ADAMTSL3: variants seen among roughly 807,000 people sequenced by gnomAD.
The protein encoded by ADAMTSL3 is ADAMTS-like protein 3.
ADAMTSL3 carries 128 observed loss-of-function variants against 201.7 expected under a neutral mutation model. That is an observed-to-expected ratio of 0.63 (90% CI 0.55 to 0.73). ADAMTSL3 has a LOEUF of 0.73. Among genes scored for constraint, ADAMTSL3 ranks in the 30% least tolerant of loss-of-function variants. The pLI is 0.00. For missense variants in ADAMTSL3, 1,990 were observed against 2,119.6 expected, an observed-to-expected ratio of 0.94 and a Z score of 1.20; for synonymous variants, 738 against 748.4, an observed-to-expected ratio of 0.99 and a Z score of 0.23.
intron 6 of ADAMTSL3, among the ~76,000 whole-genome samples, chr15:83,831,499 G>T (rs1357369676): frequency 1.3e-5 from 2 of 152,148 alleles, no homozygotes; most frequent in East Asian, 3.9e-4. Context: ...GCAGTTTTTA[G>T]GGTACCTGAA....
At chr15:83,922,158 G>A (rs8030379) in intron 16 of ADAMTSL3, among the ~76,000 whole-genome samples, 95,345 of 151,962 alleles carry the variant, frequency 0.63, 31,002 homozygotes, top group African/African-American at 0.79. Context: ...TGCTTAATCA[G>A]ATCTTTTAAG....
intron 3 of ADAMTSL3, among the ~76,000 whole-genome samples, chr15:83,731,827 A>T (rs7177995): frequency 0.42 from 64,382 of 151,804 alleles, 15,388 homozygotes; most frequent in African/African-American, 0.64. Flanking sequence ...AAGTGGAATA[A>T]GCCAGACACA....
chr15:83,752,738 T>C (rs1596141946), intron 3 of ADAMTSL3, among the ~76,000 whole-genome samples: 1 of 152,186 alleles, frequency 6.6e-6, no homozygotes, highest in Non-Finnish European at 1.5e-5. Flanking sequence ...CAGATAACAA[T>C]ATAACTTAGA....
intron 21 of ADAMTSL3, among the ~76,000 whole-genome samples, chr15:83,988,063 G>A (rs370554482): frequency 5.3e-5 from 8 of 152,112 alleles, no homozygotes; most frequent in South Asian, 2.1e-4. Flanking sequence ...TTCTCAAAGC[G>A]GTATTTACAC....
At chr15:83,738,825 G>A (rs960857787) in intron 3 of ADAMTSL3, among the ~76,000 whole-genome samples, 4 of 152,046 alleles carry the variant, frequency 2.6e-5, no homozygotes, top group Non-Finnish European at 4.4e-5. Flanking sequence ...GAACCCAGGA[G>A]GTGGAGGTTG....
intron 19 of ADAMTSL3, among the ~76,000 whole-genome samples, chr15:83,969,202 T>C (rs2067147993): frequency 6.6e-6 from 1 of 152,058 alleles, no homozygotes; most frequent in South Asian, 2.1e-4. Flanking sequence ...TCCCAGCACT[T>C]TGGGAGGCCG....
chr15:83,988,517 C>T (rs924531574), intron 21 of ADAMTSL3, among the ~76,000 whole-genome samples, 174 bp from the exon 22 acceptor site: 19 of 152,176 alleles, frequency 1.2e-4, no homozygotes, highest in African/African-American at 4.6e-4. Flanking sequence ...ACACTCCACC[C>T]TCCTGGTCTA....
At chr15:83,923,758 C>T (rs1282959279) in intron 16 of ADAMTSL3, 146 bp from the exon 17 acceptor site, 17 of 914,044 alleles carry the variant, frequency 1.9e-5, no homozygotes, top group Non-Finnish European at 2.7e-5. Flanking sequence ...TGTTTGTTCC[C>T]AGGTGTACCC....
At chr15:83,673,940 T>C (rs2061359678) in intron 2 of ADAMTSL3, among the ~76,000 whole-genome samples, 1 of 152,200 alleles carries the variant, frequency 6.6e-6, no homozygotes, top group South Asian at 2.1e-4. Context: ...GGTTGTTGTA[T>C]ACTGCGGACT....
chr15:83,819,142 C>A (rs545659583), intron 5 of ADAMTSL3, among the ~76,000 whole-genome samples: 3 of 151,418 alleles, frequency 2.0e-5, no homozygotes, highest in African/African-American at 7.3e-5. Flanking sequence ...TGGTGGCGGG[C>A]GCCTGTAGTC....
intron 9 of ADAMTSL3, among the ~76,000 whole-genome samples, chr15:83,872,078 G>A (rs770684640): frequency 1.1e-4 from 16 of 152,102 alleles, no homozygotes; most frequent in African/African-American, 1.7e-4. Context: ...CTGGCCAAGC[G>A]TTGGCCTGCA....
intron 10 of ADAMTSL3, among the ~76,000 whole-genome samples, chr15:83,888,142 G>A (rs746618671): frequency 2.0e-5 from 3 of 152,288 alleles, no homozygotes; most frequent in Non-Finnish European, 2.9e-5. Context: ...CAGTGAGATC[G>A]TCTCCAAAGA....
chr15:83,704,999 T>TG, intron 3 of ADAMTSL3, among the ~76,000 whole-genome samples: 1 of 147,186 alleles, frequency 6.8e-6, no homozygotes, highest in South Asian at 2.2e-4. Flanking sequence ...TGTGTGTGTG[T>TG]TGAAATCATT....
intron 7 of ADAMTSL3, among the ~76,000 whole-genome samples, chr15:83,850,269 T>C (rs2064583527): frequency 6.6e-6 from 1 of 152,066 alleles, no homozygotes; most frequent in South Asian, 2.1e-4. Flanking sequence ...CTCTGTGTCC[T>C]CAGAGAACTC....
At chr15:84,027,976 G>T (rs1219592853) in intron 27 of ADAMTSL3, among the ~76,000 whole-genome samples, 1 of 152,144 alleles carries the variant, frequency 6.6e-6, no homozygotes, top group African/African-American at 2.4e-5. Flanking sequence ...TATGGTAATT[G>T]AAGGAAGACA....
chr15:83,858,200 G>T (rs908948200), intron 7 of ADAMTSL3, among the ~76,000 whole-genome samples: 2 of 152,148 alleles, frequency 1.3e-5, no homozygotes, highest in African/African-American at 2.4e-5. Flanking sequence ...TTGGCCCAGG[G>T]GCCACAGTTT....
At chr15:83,862,472 C>T (rs1204250099) in intron 8 of ADAMTSL3, 2 of 152,184 alleles carry the variant, frequency 1.3e-5, no homozygotes, top group Non-Finnish European at 2.9e-5. Flanking sequence ...ATTCAAAATT[C>T]TTAAAGAAAA....
At chr15:83,763,410 G>T (rs1369589064) in intron 3 of ADAMTSL3, among the ~76,000 whole-genome samples, 4 of 150,136 alleles carry the variant, frequency 2.7e-5, no homozygotes, top group African/African-American at 9.9e-5. Context: ...CAGAAATCTA[G>T]ATTTTTTTTT....
intron 6 of ADAMTSL3, among the ~76,000 whole-genome samples, chr15:83,821,627 C>T (rs2063867690): frequency 6.6e-6 from 1 of 151,730 alleles, no homozygotes; most frequent in South Asian, 2.1e-4. Flanking sequence ...AATGAAAAGT[C>T]TCCCATGTCT....
Sources: gnomAD v4.1 joint callset for allele counts (sites outside exome capture counted in the v4.1 genomes callset) on GRCh38, gnomAD v4.1.1 for gene constraint, MANE v1.5 for transcripts, NCBI Gene and HGNC (gene_info 2026-07-23, HGNC 2026-07-21) for gene names.